The following RAD50 variants were observed in gnomAD, a reference collection of about 807,000 sequenced individuals.
RAD50 encodes RAD50 double strand break repair protein.
RAD50 carries 132 observed loss-of-function variants against 168.8 expected under a neutral mutation model. The ratio of observed to expected loss-of-function variants is 0.78; its 90% CI spans 0.68 to 0.90. The LOEUF (loss-of-function observed/expected upper bound fraction) is 0.90. RAD50 is among the 40% of genes least tolerant of loss of function. The pLI is 0.00. For missense variants in RAD50, 1,347 were observed against 1,534.4 expected (o/e 0.88, Z 2.04); for synonymous variants, 525 against 497.4 (o/e 1.06, Z -0.74).
intron 21 of RAD50, among the ~76,000 whole-genome samples, chr5:132,618,566 C>T (rs540943837): frequency 3.0e-4 from 45 of 152,046 alleles, no homozygotes; most frequent in African/African-American, 7.7e-4. Context: ...TTAGTAGAGA[C>T]GGGGTTTCTC....
At chr5:132,634,773 T>C (rs10055096) in intron 21 of RAD50, among the ~76,000 whole-genome samples, 8 of 152,224 alleles carry the variant, frequency 5.3e-5, no homozygotes, top group Admixed American at 3.3e-4. Flanking sequence ...TTCAGTGTTA[T>C]AGTGTATCAA....
chr5:132,586,524 G>A (rs944258472), intron 5 of RAD50, among the ~76,000 whole-genome samples: 1 of 152,100 alleles, frequency 6.6e-6, no homozygotes. Flanking sequence ...AGGGAACAAA[G>A]TAAACAAAGT....
At chr5:132,589,943 C>T (rs1750669503) in intron 9 of RAD50, 106 bp downstream of exon 9, 5 of 1,059,860 alleles carry the variant, frequency 4.7e-6, no homozygotes, top group Non-Finnish European at 6.9e-6. Context: ...AAAACATCAA[C>T]TTTGTCTTAT....
In RAD50 at chr5:132,589,958, A is replaced by T. The variant is rs1047542625; in HGVS notation, c.1452+121A>T. Reference sequence around the variant, plus strand: ...AAAACATCAACTTTGTCTTATTCTCATGTAAAATGAATTCATCTGAATATC... The same window carrying T: ...AAAACATCAACTTTGTCTTATTCTCTTGTAAAATGAATTCATCTGAATATC... On this transcript the variant is annotated intron_variant, in intron 9 of 24. Transcript: ENST00000378823. 1.3e-5 allele frequency: 12 copies of T among 929,360 alleles called. No homozygotes were observed. In the Admixed American group the frequency reaches 2.6e-4, roughly 20 times the overall value. 57.6% of individuals were successfully genotyped at this position (929,360 alleles called of 1,614,324 possible).
At chr5:132,560,467 G>A (rs1750105620) in intron 2 of RAD50, among the ~76,000 whole-genome samples, 1 of 152,114 alleles carries the variant, frequency 6.6e-6, no homozygotes. Context: ...CATAATGACT[G>A]TTTCCCACCT....
intron 13 of RAD50, among the ~76,000 whole-genome samples, chr5:132,599,678 C>T (rs1750852371): frequency 6.6e-6 from 1 of 151,996 alleles, no homozygotes; most frequent in Admixed American, 6.6e-5. Flanking sequence ...CTACCTCAGC[C>T]TCCCAAAGTG....
At chr5:132,614,537 A>G (rs1468950679) in intron 19 of RAD50, among the ~76,000 whole-genome samples, 2 of 152,014 alleles carry the variant, frequency 1.3e-5, no homozygotes, top group Non-Finnish European at 2.9e-5. Context: ...AGGATGCTCA[A>G]GTCCCTTATA....
intron 13 of RAD50, among the ~76,000 whole-genome samples, chr5:132,599,221 T>G (rs1750844635): frequency 6.6e-6 from 1 of 152,128 alleles, no homozygotes; most frequent in Admixed American, 6.5e-5. Context: ...TACCACACAT[T>G]TTAAGAGAAC....
Position 132,564,659 on chromosome 5 carries a change from C to T in RAD50, c.213+5292C>T, listed in dbSNP as rs186462032. ...CCATTTTCTGGGGAGGAATTCAAGC[C>T]GGCTGCAGAAATTTGCATAAGTAAA... On this transcript the variant is annotated intron_variant, in intron 2 of 24. Transcript: ENST00000378823. Among the ~76,000 whole-genome samples the T allele has an allele frequency of 3.1e-4, 47 of 152,226 alleles. 1 individual carries two copies. Among genetic ancestry groups the T allele is most frequent in the Admixed American group, 2.2e-3 (33 of 15,274 alleles).
chr5:132,571,908 G>T (rs1269801282), intron 2 of RAD50, among the ~76,000 whole-genome samples: 1 of 151,984 alleles, frequency 6.6e-6, no homozygotes, highest in Non-Finnish European at 1.5e-5. Flanking sequence ...GCAAAATAAT[G>T]GTCTGTACTT....
intron 21 of RAD50, among the ~76,000 whole-genome samples, chr5:132,623,618 A>G (rs1488775739): frequency 4.6e-5 from 7 of 152,128 alleles, no homozygotes; most frequent in Admixed American, 3.9e-4. Flanking sequence ...GAGCTCAACT[A>G]TGAATTTAAA....
rs773179252 is a variant in RAD50 at position 132,640,778 on chromosome 5, T to C, written c.3725T>C (p.Ile1242Thr). 9.3e-6 allele frequency: 15 copies of C among 1,614,202 alleles called. No individual in the cohort carries two copies. Among genetic ancestry groups the C allele is most frequent in the East Asian group, 4.5e-5 (2 of 44,890 alleles). The change falls in exon 24 of 25, where the codon ATT becomes ACT. Residue 1242 changes from isoleucine (I) to threonine (T), a missense_variant. Physicochemically the swap from Ile to Thr is moderately conservative, Grantham distance 89. This residue lies in a region of RAD50 where 635 missense variants were observed against 739.2 expected (regional missense o/e 0.86). Coordinates refer to ENST00000378823, the MANE Select transcript of RAD50 (RefSeq NM_005732.4). ...EPTTNLDRENIESLAHALVEI... is the reference protein window; with the variant it reads ...EPTTNLDRENTESLAHALVEI... Reference sequence around the variant, plus strand: ...ACAACAAATCTTGACCGAGAAAACATTGAATCTCTTGCACATGCTCTGGTT... The same window carrying C: ...ACAACAAATCTTGACCGAGAAAACACTGAATCTCTTGCACATGCTCTGGTT...
chr5:132,618,006 T>C, intron 20 of RAD50, 64 bp from the exon 21 acceptor site: 1 of 1,324,982 alleles, frequency 7.5e-7, no homozygotes, highest in African/African-American at 1.4e-5. Context: ...AATCTATGAC[T>C]TTTCCACTTC....
Position 132,603,436 on chromosome 5 carries a change from G to A in RAD50, c.2344G>A (p.Glu782Lys), listed in dbSNP as rs900666689. The stretch of plus-strand genomic sequence containing the variant: ...ACTCTTGGGTACAATAATGCCTGAA[G>A]AAGAAAGTGCCAAAGTATGCCTGAC... Reference protein sequence around the residue: ...ETLLGTIMPEEESAKVCLTDV... With the variant: ...ETLLGTIMPEKESAKVCLTDV... Residue 782 changes from glutamate (E) to lysine (K), a missense_variant, in exon 14 of 25, where the codon GAA becomes AAA. Physicochemically the swap from Glu to Lys is moderately conservative, Grantham distance 56. Transcript: ENST00000378823. 1.9e-6 allele frequency: 3 copies of A among 1,613,884 alleles called. No individual in the cohort carries two copies. In the African/African-American group the frequency reaches 4.0e-5, roughly 22 times the overall value.
At chr5:132,616,955 G>C (rs1313373787) in intron 20 of RAD50, among the ~76,000 whole-genome samples, 1 of 152,156 alleles carries the variant, frequency 6.6e-6, no homozygotes. Flanking sequence ...CCTGTGTTTT[G>C]GTTAAGTACT....
intron 5 of RAD50, among the ~76,000 whole-genome samples, chr5:132,585,129 T>A (rs1277671674): frequency 6.6e-6 from 1 of 152,200 alleles, no homozygotes; most frequent in Non-Finnish European, 1.5e-5. Context: ...CGGCTTTGGG[T>A]TGTTACAGAT....
At chr5:132,630,725 C>T (rs1751448335) in intron 21 of RAD50, 1 of 152,270 alleles carries the variant, frequency 6.6e-6, no homozygotes, top group South Asian at 2.1e-4. Context: ...GAAGGGTCTT[C>T]TCCTGGAAGG....
At position 132,642,308 on chromosome 5, in the gene RAD50, C is replaced by T. The variant is rs1330031894; in HGVS notation, c.3883C>T (p.Gln1295Ter). ...KFYRIKKNID[Q>*]CSEIVKCSVS... ...CTACAGGATTAAAAAGAACATCGATCAGTGCTCAGAGATTGTGAAATGCAG... is the reference window on the plus strand; with the variant it reads ...CTACAGGATTAAAAAGAACATCGATTAGTGCTCAGAGATTGTGAAATGCAG... The change falls in exon 25 of 25, where the codon CAG becomes TAG. Residue 1295 changes from glutamine (Q) to a stop codon, truncating the protein, a stop_gained. Coordinates refer to ENST00000378823, the MANE Select transcript of RAD50 (RefSeq NM_005732.4). LOFTEE classifies it high-confidence loss of function. 1.2e-6 allele frequency: 2 copies of T among 1,614,028 alleles called. No homozygotes were observed. Among genetic ancestry groups the T allele is most frequent in the East Asian group, 4.5e-5 (2 of 44,884 alleles).
chr5:132,616,732 C>T lies in RAD50; in HGVS notation c.3164+602C>T, dbSNP rs140799508. ...TAAGAACCTTGTTGATGCTAAGGCA[C>T]TAGACTGGTATAAAAGGTTGTACTA... On this transcript the variant is annotated intron_variant, in intron 20 of 24. Coordinates refer to ENST00000378823, the MANE Select transcript of RAD50 (RefSeq NM_005732.4). Among the ~76,000 whole-genome samples, 294 of 152,248 alleles carry T rather than the reference C, an allele frequency of 1.9e-3. 2 individuals carry two copies. Among genetic ancestry groups the T allele is most frequent in the African/African-American group, 6.9e-3 (285 of 41,532 alleles).
Sources: gnomAD v4.1 joint callset for allele counts (sites outside exome capture counted in the v4.1 genomes callset) on GRCh38, gnomAD v4.1.1 for gene constraint, gnomAD v4.1.1 regional missense constraint, MANE v1.5 for transcripts, NCBI Gene and HGNC (gene_info 2026-07-23, HGNC 2026-07-21) for gene names.